Variants in DNAH9 observed in about 807,000 individuals in gnomAD.
DNAH9 encodes the protein DNAH9 variant protein.
DNAH9 carries 345 observed loss-of-function variants against 471.6 expected under a neutral mutation model. That is an observed-to-expected ratio of 0.73 (90% CI 0.67 to 0.80). The LOEUF is 0.80. DNAH9 is among the 30% of genes least tolerant of loss of function. DNAH9 has a pLI of 0.00. For missense variants in DNAH9, 5,407 were observed against 5,609.2 expected (o/e 0.96, Z 1.15); for synonymous variants, 2,093 against 2,123.6 (o/e 0.99, Z 0.40).
intron 8 of DNAH9, among the ~76,000 whole-genome samples, chr17:11,633,762 C>T (rs1445255899): frequency 6.6e-6 from 1 of 150,966 alleles, no homozygotes; most frequent in African/African-American, 2.4e-5. Context: ...TCCATTCGTG[C>T]ACTAAGGATG....
At chr17:11,619,018 C>A (rs1370089944) in intron 5 of DNAH9, among the ~76,000 whole-genome samples, 1 of 152,154 alleles carries the variant, frequency 6.6e-6, no homozygotes, top group African/African-American at 2.4e-5. Flanking sequence ...CATATTGGCT[C>A]ATGTACCTTG....
chr17:11,958,542 G>C (rs1268097421), intron 67 of DNAH9, among the ~76,000 whole-genome samples: 1 of 152,108 alleles, frequency 6.6e-6, no homozygotes, highest in African/African-American at 2.4e-5. Context: ...ACAACGCAAA[G>C]GGCAAACCCT....
chr17:11,936,555 G>A (rs575183047), intron 65 of DNAH9, among the ~76,000 whole-genome samples: 23 of 152,290 alleles, frequency 1.5e-4, no homozygotes, highest in African/African-American at 4.6e-4. Context: ...AAGCACTTGA[G>A]CCTGGGAGGT....
intron 41 of DNAH9, 56 bp from the exon 42 acceptor site, chr17:11,793,447 T>G: frequency 6.5e-7 from 1 of 1,534,384 alleles, no homozygotes; most frequent in Non-Finnish European, 8.9e-7. Flanking sequence ...TTTTCCTAGC[T>G]ATTGTACCTC....
Position 11,756,896 on chromosome 17 carries a change from TA to T in DNAH9, c.6847+221del, listed in dbSNP as rs779482251. On this transcript the variant is annotated intron_variant, in intron 34 of 68. Coordinates refer to ENST00000262442, the MANE Select transcript of DNAH9 (RefSeq NM_001372.4). ...AGAAGTGTCTAACTTAGGCTACTTT[TA>T]GGCCAGTTCTAGCCTCCACGTCAAT... Among the ~76,000 whole-genome samples the T allele has an allele frequency of 2.6e-5, 4 of 152,236 alleles. No homozygotes were observed. The South Asian group carries it at 6.2e-4, about 24-fold the overall frequency.
chr17:11,689,469 C>G, intron 19 of DNAH9, 97 bp from the exon 20 acceptor site: 1 of 1,037,690 alleles, frequency 9.6e-7, no homozygotes, highest in East Asian at 2.4e-5. Context: ...CCTAAAACAC[C>G]AAGCATTTAA....
chr17:11,705,957 A>G (rs551843663), intron 26 of DNAH9, among the ~76,000 whole-genome samples: 4 of 152,232 alleles, frequency 2.6e-5, no homozygotes, highest in Non-Finnish European at 5.9e-5. Context: ...GAAATATACC[A>G]TGGAATGTTA....
chr17:11,651,777 G>A (rs2073511539), intron 13 of DNAH9, among the ~76,000 whole-genome samples: 1 of 152,136 alleles, frequency 6.6e-6, no homozygotes. Context: ...TTAGATTTGA[G>A]GTGTATGGGA....
At chr17:11,817,165 C>A (rs1970128884) in intron 45 of DNAH9, among the ~76,000 whole-genome samples, 1 of 152,200 alleles carries the variant, frequency 6.6e-6, no homozygotes, top group South Asian at 2.1e-4. Context: ...TCCCCTCTGG[C>A]AGTTCAGTTT....
intron 43 of DNAH9, among the ~76,000 whole-genome samples, chr17:11,806,029 G>A (rs1969667446): frequency 1.3e-5 from 2 of 152,122 alleles, no homozygotes; most frequent in African/African-American, 2.4e-5. Context: ...ACCGCTCCCA[G>A]CCCGAGTTCC....
At chr17:11,696,047 C>T (rs902352049) in intron 22 of DNAH9, among the ~76,000 whole-genome samples, 2 of 152,134 alleles carry the variant, frequency 1.3e-5, no homozygotes, top group African/African-American at 4.8e-5. Context: ...GAGATGTATC[C>T]TTGCCTCCTC....
Position 11,962,155 on chromosome 17 carries a change from T to C in DNAH9, c.13132T>C (p.Cys4378Arg). Residue 4378 changes from cysteine to arginine, a missense_variant, in exon 68 of 69, where the codon TGT becomes CGT. Physicochemically the swap from Cys to Arg is radical, Grantham distance 180. Coordinates refer to ENST00000262442, the MANE Select transcript of DNAH9 (RefSeq NM_001372.4). The surrounding 1 kb of genome is among the most constrained non-coding windows in gnomAD (Gnocchi z 4.1). ...GCCACTGGACCAGATGGCCCTGCAA[T>C]GTGACATGACGAAGAAGAACAGAGA... ...EWPLDQMALQCDMTKKNREEF... is the reference protein window; with the variant it reads ...EWPLDQMALQRDMTKKNREEF... The C allele has an allele frequency of 4.3e-6, 7 of 1,614,040 alleles. No individual in the cohort carries two copies. The highest frequency in any genetic ancestry group is 5.9e-6 in the Non-Finnish European group (7 of 1,180,022).
At chr17:11,739,681 T>G (rs1028067215) in intron 29 of DNAH9, among the ~76,000 whole-genome samples, 1 of 152,184 alleles carries the variant, frequency 6.6e-6, no homozygotes, top group African/African-American at 2.4e-5. Context: ...TATTTCACCC[T>G]TGCTACCGGT....
At chr17:11,663,101 A>G (rs1268584165) in intron 14 of DNAH9, among the ~76,000 whole-genome samples, 2 of 152,126 alleles carry the variant, frequency 1.3e-5, no homozygotes, top group Non-Finnish European at 2.9e-5. Context: ...TCTGGAATCG[A>G]GCAGCTCTAA....
intron 49 of DNAH9, among the ~76,000 whole-genome samples, chr17:11,843,249 A>G (rs959820026): frequency 2.0e-5 from 3 of 152,228 alleles, no homozygotes; most frequent in African/African-American, 7.2e-5. Context: ...ACATAATATT[A>G]TTTATGGATG....
intron 28 of DNAH9, among the ~76,000 whole-genome samples, chr17:11,729,767 G>A (rs1010180134): frequency 3.9e-5 from 6 of 152,246 alleles, no homozygotes; most frequent in Non-Finnish European, 4.4e-5. Flanking sequence ...GCAGGAGCCA[G>A]CTTCCATCCA....
chr17:11,627,725 T>C (rs1018949341), intron 6 of DNAH9, among the ~76,000 whole-genome samples: 2 of 152,152 alleles, frequency 1.3e-5, no homozygotes, highest in African/African-American at 4.8e-5. Context: ...TTCCCTCTTC[T>C]CTCCCCTCCC....
chr17:11,900,436 G>A (rs1973369153), intron 59 of DNAH9, among the ~76,000 whole-genome samples: 3 of 140,522 alleles, frequency 2.1e-5, no homozygotes, highest in South Asian at 4.5e-4. Flanking sequence ...CAGCAATCAC[G>A]CTGCTTCCTG....
At chr17:11,631,895 G>A (rs900071066) in intron 7 of DNAH9, among the ~76,000 whole-genome samples, 1 of 151,336 alleles carries the variant, frequency 6.6e-6, no homozygotes, top group African/African-American at 2.4e-5. Context: ...AGAGATTGGC[G>A]TGACCAATGT....
Sources: allele counts gnomAD v4.1 joint callset (sites outside exome capture counted in the v4.1 genomes callset), GRCh38; gene constraint gnomAD v4.1.1; non-coding constraint Gnocchi (gnomAD v3.1); transcripts MANE v1.5; gene names NCBI Gene and HGNC (gene_info 2026-07-23, HGNC 2026-07-21).